Variants in RCAN1 observed in about 807,000 individuals in gnomAD.
The protein encoded by RCAN1 is regulator of calcineurin 1, also known as calcipressin-1.
In RCAN1, 11 loss-of-function variants were observed where a neutral mutation model predicts 22.9. That is an observed-to-expected ratio of 0.48 (90% CI 0.30 to 0.79). The LOEUF is 0.79. Ranked by LOEUF, RCAN1 falls within the 30% of genes least tolerant of loss-of-function variation. The pLI, the probability that RCAN1 is intolerant of heterozygous loss-of-function variation, is 0.06. For missense variants in RCAN1, 291 were observed against 337.8 expected (o/e 0.86, Z 1.09); for synonymous variants, 136 against 142.3 (o/e 0.96, Z 0.32).
At chr21:34,575,137 A>G (rs1987370199) in intron 1 of RCAN1, among the ~76,000 whole-genome samples, 1 of 152,166 alleles carries the variant, frequency 6.6e-6, no homozygotes, top group Non-Finnish European at 1.5e-5. Flanking sequence ...ACTCTCTACC[A>G]CATCTGGTCC....
chr21:34,575,120 G>T (rs889494613), intron 1 of RCAN1, among the ~76,000 whole-genome samples: 5 of 152,204 alleles, frequency 3.3e-5, no homozygotes, highest in Non-Finnish European at 5.9e-5. Flanking sequence ...AACAGCACCC[G>T]TGGGTCACTC....
At chr21:34,566,136 C>A (rs1986998889) in intron 1 of RCAN1, among the ~76,000 whole-genome samples, 1 of 152,328 alleles carries the variant, frequency 6.6e-6, no homozygotes, top group African/African-American at 2.4e-5. Context: ...GAGGAAGCTG[C>A]CTTTTCCTGC....
In RCAN1 at chr21:34,518,453, T is replaced by C. The variant is rs1284873454; in HGVS notation, c.587-197A>G. On this transcript the variant is annotated intron_variant, in intron 3 of 3. Coordinates refer to ENST00000313806, the MANE Select transcript of RCAN1 (RefSeq NM_004414.7). This position sits in a 1 kb window ranked among gnomAD's most constrained non-coding sequence, Gnocchi z 4.2. ...GAAAAAGAGAGATTTCCATTGTGCATGACTCTGTTTTTAGTCAAACATTCT... is the reference window on the plus strand; with the variant it reads ...GAAAAAGAGAGATTTCCATTGTGCACGACTCTGTTTTTAGTCAAACATTCT... 6.6e-6 allele frequency among the ~76,000 whole-genome samples: 1 copy of C among 152,272 alleles called. No individual in the cohort carries two copies. Among genetic ancestry groups the C allele is most frequent in the African/African-American group, 2.4e-5 (1 of 41,470 alleles).
At position 34,556,089 on chromosome 21, in the gene RCAN1, TA is replaced by T. The variant is rs1264740219; in HGVS notation, c.253-32380del. 8.4e-3 allele frequency among the ~76,000 whole-genome samples: 557 copies of T among 65,948 alleles called. 2 individuals carry two copies. Among genetic ancestry groups the T allele is most frequent in the African/African-American group, 0.032 (534 of 16,876 alleles). The allele number at this position is 65,948 out of a possible 152,430, so 43.3% of individuals were successfully genotyped here. A position where few individuals can be genotyped will look rare whatever the true frequency, so the allele number is the denominator to read the frequency against. ...AAAAATAAATAAATAAATAAATAAATAAATAAATAATTAAAGGCCAAAAAAA... is the reference window on the plus strand; with the variant it reads ...AAAAATAAATAAATAAATAAATAAATAATAAATAATTAAAGGCCAAAAAAA... On this transcript the variant is annotated intron_variant, in intron 1 of 3. Coordinates refer to ENST00000313806, the MANE Select transcript of RCAN1 (RefSeq NM_004414.7).
At chr21:34,563,691 T>C (rs1986876379) in intron 1 of RCAN1, among the ~76,000 whole-genome samples, 1 of 149,332 alleles carries the variant, frequency 6.7e-6, no homozygotes, top group African/African-American at 2.5e-5. Context: ...GGTGGATCAC[T>C]TGATGTCAGG....
chr21:34,534,819 T>A (rs1376661284), intron 1 of RCAN1, among the ~76,000 whole-genome samples: 5 of 152,216 alleles, frequency 3.3e-5, no homozygotes, highest in Admixed American at 3.3e-4. Context: ...CATTCCCGGA[T>A]GTGCTTCCTA....
chr21:34,530,052 C>T (rs1985294434), intron 1 of RCAN1, among the ~76,000 whole-genome samples: 1 of 152,188 alleles, frequency 6.6e-6, no homozygotes, highest in Non-Finnish European at 1.5e-5. Context: ...ACCTCTTTTT[C>T]TTCCCAGTCT....
chr21:34,601,514 A>C (rs535856706), intron 1 of RCAN1, among the ~76,000 whole-genome samples: 2 of 152,324 alleles, frequency 1.3e-5, no homozygotes, highest in Admixed American at 6.5e-5. Flanking sequence ...GTGGGTGTCC[A>C]TCTATAAAGA....
chr21:34,523,420 C>G, intron 2 of RCAN1, 117 bp downstream of exon 2: 1 of 965,640 alleles, frequency 1.0e-6, no homozygotes, highest in Non-Finnish European at 1.5e-6. Flanking sequence ...TTTTGTCTTT[C>G]TCAAGGTGAA....
chr21:34,529,763 T>C (rs920415554), intron 1 of RCAN1, among the ~76,000 whole-genome samples: 1 of 152,222 alleles, frequency 6.6e-6, no homozygotes, highest in East Asian at 1.9e-4. Context: ...ATGGTTGGGC[T>C]GTGTCCCCAC....
intron 1 of RCAN1, among the ~76,000 whole-genome samples, chr21:34,576,675 G>A (rs1373358263): frequency 6.6e-6 from 1 of 152,206 alleles, no homozygotes; most frequent in African/African-American, 2.4e-5. Context: ...GTCAATGTCT[G>A]TGAATGTTTC....
chr21:34,568,303 T>G (rs567560935), intron 1 of RCAN1, among the ~76,000 whole-genome samples: 1 of 152,320 alleles, frequency 6.6e-6, no homozygotes, highest in South Asian at 2.1e-4. Context: ...CTACCTTTGA[T>G]GCAAATCTCC....
chr21:34,525,428 A>C (rs958583612), intron 1 of RCAN1: 8 of 1,405,788 alleles, frequency 5.7e-6, no homozygotes, highest in East Asian at 2.6e-5. Flanking sequence ...GCCGCCTCTC[A>C]CTCTTTTTCC....
At position 34,588,381 on chromosome 21, in the gene RCAN1, G is replaced by C. The variant is rs117917513; in HGVS notation, c.252+26379C>G. 5.6e-3 allele frequency among the ~76,000 whole-genome samples: 859 copies of C among 152,268 alleles called. 26 individuals are homozygous for C. The East Asian group carries it at 0.091, about 16-fold the overall frequency. The stretch of plus-strand genomic sequence containing the variant: ...CTGGCATTGTTCTATTTCTTGACCT[G>C]ATATGGGTGTGTTTATTTTGTAAAA... On this transcript the variant is annotated intron_variant, in intron 1 of 3. Transcript: ENST00000313806.
chr21:34,526,837 GA>G, intron 1 of RCAN1: 3 of 1,514,238 alleles, frequency 2.0e-6, no homozygotes. Context: ...GTTCCTTCTT[GA>G]GCTGGTGCTT....
rs1984126689 is a variant in RCAN1 at position 34,517,500 on chromosome 21, CA to C, written c.*583del. On this transcript the variant is annotated 3_prime_UTR_variant, in exon 4 of 4. Coordinates refer to ENST00000313806, the MANE Select transcript of RCAN1 (RefSeq NM_004414.7). Reference sequence around the variant, plus strand: ...TTTTCCAAACGCTTTCCTGGCTTCCCAAAAGATGTAAAACAACAACGGTGTA... The same window carrying C: ...TTTTCCAAACGCTTTCCTGGCTTCCCAAAGATGTAAAACAACAACGGTGTA... 1.3e-5 allele frequency: 2 copies of C among 152,200 alleles called. No homozygotes were observed. Among genetic ancestry groups the C allele is most frequent in the African/African-American group, 4.8e-5 (2 of 41,438 alleles). 9.4% of individuals were successfully genotyped at this position (152,200 alleles called of 1,614,324 possible).
intron 1 of RCAN1, among the ~76,000 whole-genome samples, chr21:34,550,502 CCAGA>C (rs1457332164): frequency 6.6e-6 from 1 of 152,118 alleles, no homozygotes; most frequent in Non-Finnish European, 1.5e-5. Flanking sequence ...GATTTGGACA[CCAGA>C]CAGAGAAAAG....
intron 1 of RCAN1, among the ~76,000 whole-genome samples, chr21:34,538,510 C>T (rs965234920): frequency 3.9e-5 from 6 of 152,200 alleles, no homozygotes; most frequent in South Asian, 2.1e-4. Flanking sequence ...ATCCACTCCC[C>T]GCCATGGGTA....
Position 34,614,513 on chromosome 21 carries a change from G to T in RCAN1, c.252+247C>A, listed in dbSNP as rs1049005544. ...AGTCGCACCAGCCTGGGCGCACACG[G>T]GGGCCGGGGCGAGCCTGTGGGACTC... On this transcript the variant is annotated intron_variant, in intron 1 of 3. Transcript: ENST00000313806. The surrounding 1 kb of genome is among the most constrained non-coding windows in gnomAD (Gnocchi z 6.0). The T allele has an allele frequency of 1.9e-5, 20 of 1,045,506 alleles. No individual in the cohort carries two copies. Among genetic ancestry groups the T allele is most frequent in the African/African-American group, 5.1e-5 (3 of 58,858 alleles). 64.8% of individuals were successfully genotyped at this position (1,045,506 alleles called of 1,614,324 possible). A position where few individuals can be genotyped will look rare whatever the true frequency, so the allele number is the denominator to read the frequency against.
Sources: allele counts gnomAD v4.1 joint callset (sites outside exome capture counted in the v4.1 genomes callset), GRCh38; gene constraint gnomAD v4.1.1; non-coding constraint Gnocchi (gnomAD v3.1); transcripts MANE v1.5; gene names NCBI Gene and HGNC (gene_info 2026-07-23, HGNC 2026-07-21).